MS4A4E: variants seen among roughly 807,000 people sequenced by gnomAD.
The protein encoded by MS4A4E is membrane spanning 4-domains A4E.
MS4A4E carries 23 observed loss-of-function variants against 13.3 expected under a neutral mutation model. That is an observed-to-expected ratio of 1.73 (90% CI 1.25 to 2.45). The LOEUF is 2.45. Ranked by LOEUF, MS4A4E falls within the 30% of genes most tolerant of loss-of-function variation. MS4A4E has a pLI of 0.00. For missense variants in MS4A4E, 144 were observed against 131.2 expected, an observed-to-expected ratio of 1.10 and a Z score of -0.48; for synonymous variants, 36 against 45.6, an observed-to-expected ratio of 0.79 and a Z score of 0.85.
intron 5 of MS4A4E, among the ~76,000 whole-genome samples, chr11:60,212,751 T>C (rs1160871095): frequency 6.6e-6 from 1 of 152,178 alleles, no homozygotes; most frequent in Non-Finnish European, 1.5e-5. Context: ...TCTATAACTA[T>C]AAGCTTTCTT....
chr11:60,211,877 C>A (rs755952095), intron 5 of MS4A4E, among the ~76,000 whole-genome samples: 1 of 152,086 alleles, frequency 6.6e-6, no homozygotes. Flanking sequence ...TGTGCCACCA[C>A]GTGCATTGTG....
At chr11:60,214,667 A>T (rs1008337501) in intron 3 of MS4A4E, 53 bp from the exon 4 acceptor site, 1 of 1,241,636 alleles carries the variant, frequency 8.1e-7, no homozygotes, top group Non-Finnish European at 1.1e-6. Context: ...AAAGTTTTAA[A>T]CAAGTATTGG....
At chr11:60,213,672 G>A (rs1236899784) in intron 4 of MS4A4E, among the ~76,000 whole-genome samples, 1 of 152,090 alleles carries the variant, frequency 6.6e-6, no homozygotes, top group East Asian at 1.9e-4. Flanking sequence ...TTGGAAAACC[G>A]ATATTGATCA....
chr11:60,207,564 G>A (rs2084063978), intron 6 of MS4A4E, among the ~76,000 whole-genome samples: 1 of 152,134 alleles, frequency 6.6e-6, no homozygotes, highest in Non-Finnish European at 1.5e-5. Context: ...AGAAGACAGA[G>A]AGGCACAAAA....
At chr11:60,242,821 C>G (rs1472892119) in intron 1 of MS4A4E, 137 bp downstream of exon 1, 3 of 568,238 alleles carry the variant, frequency 5.3e-6, no homozygotes, top group Non-Finnish European at 9.1e-6. Flanking sequence ...CTCAATCCAC[C>G]CCAACCCTGA....
intron 3 of MS4A4E, among the ~76,000 whole-genome samples, chr11:60,224,178 T>C (rs546086177): frequency 3.3e-5 from 5 of 152,326 alleles, no homozygotes; most frequent in East Asian, 3.9e-4. Flanking sequence ...TTACTTTCAA[T>C]TTGCATCAAA....
chr11:60,229,621 G>T (rs899047674), intron 2 of MS4A4E, among the ~76,000 whole-genome samples: 2 of 152,070 alleles, frequency 1.3e-5, no homozygotes, highest in Admixed American at 6.6e-5. Flanking sequence ...GGACAGGTGG[G>T]CCTTTTCTTT....
chr11:60,205,106 C>A (rs1345898422), intron 7 of MS4A4E, among the ~76,000 whole-genome samples, 148 bp from the exon 8 acceptor site: 2 of 152,002 alleles, frequency 1.3e-5, no homozygotes, highest in African/African-American at 4.8e-5. Flanking sequence ...TATGAATGTC[C>A]ATGCAAATTC....
chr11:60,212,510 C>G (rs935182165), intron 5 of MS4A4E, among the ~76,000 whole-genome samples: 1 of 152,160 alleles, frequency 6.6e-6, no homozygotes, highest in South Asian at 2.1e-4. Context: ...GGGGTTTCAC[C>G]ATGTTAGCCA....
At chr11:60,240,174 G>T (rs1005819244) in intron 1 of MS4A4E, among the ~76,000 whole-genome samples, 1 of 152,182 alleles carries the variant, frequency 6.6e-6, no homozygotes, top group Non-Finnish European at 1.5e-5. Flanking sequence ...TGCTAAGAGG[G>T]CTATGCGACT....
intron 7 of MS4A4E, among the ~76,000 whole-genome samples, chr11:60,205,377 ATGTC>A (rs763534412): frequency 6.6e-6 from 1 of 152,220 alleles, no homozygotes; most frequent in Non-Finnish European, 1.5e-5. Context: ...GCTTAAAACA[ATGTC>A]TGCCCCATTG....
chr11:60,237,579 C>A (rs2084499302), intron 1 of MS4A4E, among the ~76,000 whole-genome samples: 1 of 152,106 alleles, frequency 6.6e-6, no homozygotes, highest in Non-Finnish European at 1.5e-5. Flanking sequence ...ATTAATATTT[C>A]TTTTTCTCCA....
At chr11:60,222,943 T>C (rs1410691782) in intron 3 of MS4A4E, among the ~76,000 whole-genome samples, 1 of 152,112 alleles carries the variant, frequency 6.6e-6, no homozygotes, top group Non-Finnish European at 1.5e-5. Context: ...AGTATTACCA[T>C]GCCCTATGAT....
chr11:60,204,613 T>C (rs1257316080), intron 8 of MS4A4E, among the ~76,000 whole-genome samples: 1 of 152,232 alleles, frequency 6.6e-6, no homozygotes, highest in African/African-American at 2.4e-5. Context: ...GCAGCCATCA[T>C]GCTACTATAT....
At chr11:60,225,384 T>A (rs1308166746) in intron 3 of MS4A4E, among the ~76,000 whole-genome samples, 2 of 152,162 alleles carry the variant, frequency 1.3e-5, no homozygotes. Context: ...CGCAACTGTT[T>A]CTCTCTTTTG....
chr11:60,204,080 G>C (rs577508335), intron 8 of MS4A4E, among the ~76,000 whole-genome samples: 1 of 152,148 alleles, frequency 6.6e-6, no homozygotes, highest in Non-Finnish European at 1.5e-5. Flanking sequence ...CCAACAGAAG[G>C]CATTCTCAGG....
At chr11:60,222,785 C>G (rs1219425215) in intron 3 of MS4A4E, among the ~76,000 whole-genome samples, 13 of 152,108 alleles carry the variant, frequency 8.5e-5, no homozygotes, top group Non-Finnish European at 1.9e-4. Context: ...TTGGGCTCCT[C>G]TTACCTCTAA....
intron 5 of MS4A4E, among the ~76,000 whole-genome samples, chr11:60,211,361 C>T (rs75342010): frequency 0.011 from 1,608 of 152,258 alleles, 35 homozygotes; most frequent in African/African-American, 0.037. Context: ...AAATTAGTTT[C>T]GCAAAGACAC....
At chr11:60,237,505 T>A (rs1367318503) in intron 1 of MS4A4E, among the ~76,000 whole-genome samples, 1 of 152,180 alleles carries the variant, frequency 6.6e-6, no homozygotes, top group Admixed American at 6.5e-5. Flanking sequence ...TGTTTTTAGG[T>A]TTTTGAGGAA....
Sources: gnomAD v4.1 joint callset for allele counts (sites outside exome capture counted in the v4.1 genomes callset) on GRCh38, gnomAD v4.1.1 for gene constraint, MANE v1.5 for transcripts, NCBI Gene and HGNC (gene_info 2026-07-23, HGNC 2026-07-21) for gene names.